The following SND1 variants were observed in gnomAD, a reference collection of about 807,000 sequenced individuals.
SND1 encodes staphylococcal nuclease and tudor domain containing 1, also known as staphylococcal nuclease domain-containing protein 1.
In SND1, 38 loss-of-function variants were observed where a neutral mutation model predicts 121.7. That is an observed-to-expected ratio of 0.31 (90% CI 0.24 to 0.41). The LOEUF is 0.41. SND1 is among the 10% of genes least tolerant of loss of function. The pLI, the probability that SND1 is intolerant of heterozygous loss-of-function variation, is 1.00. For missense variants in SND1, 868 were observed against 1,184.6 expected, an observed-to-expected ratio of 0.73 and a Z score of 3.92; for synonymous variants, 401 against 447.4, an observed-to-expected ratio of 0.90 and a Z score of 1.31.
At chr7:127,937,886 G>T (rs150535092) in intron 15 of SND1, among the ~76,000 whole-genome samples, 3 of 152,238 alleles carry the variant, frequency 2.0e-5, no homozygotes, top group Non-Finnish European at 4.4e-5. Context: ...ATCCCATTCT[G>T]CTATCACAGA....
chr7:127,798,971 T>TGGAACGCCAAGGCTACAGTGAGCCC (rs1563017469), intron 10 of SND1, among the ~76,000 whole-genome samples: 1 of 152,178 alleles, frequency 6.6e-6, no homozygotes, highest in African/African-American at 2.4e-5. Context: ...CATGTGAGCC[T>TGGAACGCCAAGGCTACAGTGAGCCC]GGAACGTCAA....
chr7:127,994,296 C>G (rs1157785179), intron 16 of SND1, among the ~76,000 whole-genome samples: 1 of 152,102 alleles, frequency 6.6e-6, no homozygotes, highest in Non-Finnish European at 1.5e-5. Flanking sequence ...TGCCCTCTTA[C>G]GTTGCATTTC....
intron 10 of SND1, among the ~76,000 whole-genome samples, chr7:127,779,394 T>C (rs1435241218): frequency 6.6e-6 from 1 of 152,218 alleles, no homozygotes; most frequent in Non-Finnish European, 1.5e-5. Flanking sequence ...TCCAGTTATA[T>C]GTATGGCTGC....
intron 17 of SND1, 53 bp downstream of exon 17, chr7:128,074,743 A>G: frequency 6.7e-7 from 1 of 1,492,474 alleles, no homozygotes; most frequent in Non-Finnish European, 9.1e-7. Flanking sequence ...CTCCTCACAC[A>G]CTAATGCTGC....
chr7:127,780,053 G>A (rs1797692256), intron 10 of SND1, among the ~76,000 whole-genome samples: 4 of 152,204 alleles, frequency 2.6e-5, no homozygotes, highest in South Asian at 2.1e-4. Context: ...GGTTTGATTC[G>A]TTTTTGTATC....
At chr7:127,788,627 CT>C (rs1797856194) in intron 10 of SND1, among the ~76,000 whole-genome samples, 1 of 152,188 alleles carries the variant, frequency 6.6e-6, no homozygotes, top group Non-Finnish European at 1.5e-5. Flanking sequence ...ACTGAAACTG[CT>C]CTTGCTGAAC....
At chr7:128,057,084 C>T (rs987888911) in intron 16 of SND1, among the ~76,000 whole-genome samples, 2 of 152,104 alleles carry the variant, frequency 1.3e-5, no homozygotes, top group African/African-American at 2.4e-5. Context: ...CTACTCAGAA[C>T]GGCACACAGT....
At chr7:127,756,720 C>T (rs1797203626) in intron 10 of SND1, among the ~76,000 whole-genome samples, 1 of 152,144 alleles carries the variant, frequency 6.6e-6, no homozygotes, top group Non-Finnish European at 1.5e-5. Flanking sequence ...TTACCTGTCC[C>T]CAAATAAATT....
chr7:127,788,012 C>A, intron 10 of SND1, among the ~76,000 whole-genome samples: 1 of 152,132 alleles, frequency 6.6e-6, no homozygotes, highest in East Asian at 1.9e-4. Flanking sequence ...GTAGGCGAAA[C>A]GGGTGCTGCT....
At chr7:128,013,298 G>A (rs544930555) in intron 16 of SND1, among the ~76,000 whole-genome samples, 5 of 152,250 alleles carry the variant, frequency 3.3e-5, no homozygotes, top group African/African-American at 7.2e-5. Context: ...CATTGTGTCC[G>A]CCCAAGTGCT....
chr7:127,879,562 C>G (rs1380180897), intron 12 of SND1, among the ~76,000 whole-genome samples: 1 of 152,154 alleles, frequency 6.6e-6, no homozygotes, highest in Admixed American at 6.6e-5. Context: ...CTGTAGCTTT[C>G]CTTCTAGATC....
chr7:127,669,060 C>T (rs1795469153), intron 1 of SND1, among the ~76,000 whole-genome samples: 2 of 151,996 alleles, frequency 1.3e-5, no homozygotes, highest in Non-Finnish European at 2.9e-5. Context: ...TGGCTTAATC[C>T]TGGCTCACTG....
At chr7:128,016,840 T>C (rs2116956927) in intron 16 of SND1, among the ~76,000 whole-genome samples, 1 of 152,350 alleles carries the variant, frequency 6.6e-6, no homozygotes, top group African/African-American at 2.4e-5. Flanking sequence ...TTGGATCCAT[T>C]ATTTTCTTGT....
At chr7:128,061,251 C>G (rs1562886228) in intron 16 of SND1, among the ~76,000 whole-genome samples, 1 of 152,226 alleles carries the variant, frequency 6.6e-6, no homozygotes, top group Admixed American at 6.5e-5. Flanking sequence ...AGAGTCACAT[C>G]AACACCCATG....
chr7:128,027,124 C>T (rs1451175740), intron 16 of SND1: 1 of 152,604 alleles, frequency 6.6e-6, no homozygotes, highest in East Asian at 1.9e-4. Context: ...TCTCACATTA[C>T]AATCAGTGTT....
intron 12 of SND1, among the ~76,000 whole-genome samples, chr7:127,845,064 C>A (rs1799034648): frequency 6.6e-6 from 1 of 152,222 alleles, no homozygotes; most frequent in Non-Finnish European, 1.5e-5. Context: ...TAATTGTCTC[C>A]TTTTCCATTT....
At chr7:127,738,265 A>G (rs1796814155) in intron 10 of SND1, among the ~76,000 whole-genome samples, 1 of 149,636 alleles carries the variant, frequency 6.7e-6, no homozygotes, top group Non-Finnish European at 1.5e-5. Context: ...CCTTCCTAAA[A>G]GGTGTTTCTT....
chr7:127,857,893 C>A, intron 12 of SND1: 2 of 1,375,038 alleles, frequency 1.5e-6, no homozygotes, highest in East Asian at 2.3e-5. Context: ...GTAGAACTGA[C>A]CACGAAGGGG....
chr7:127,795,975 A>G (rs1798014829), intron 10 of SND1, among the ~76,000 whole-genome samples: 1 of 152,022 alleles, frequency 6.6e-6, no homozygotes. Flanking sequence ...GTCCTGCCTC[A>G]GCCTCCCTAG....
Sources: allele counts gnomAD v4.1 joint callset (sites outside exome capture counted in the v4.1 genomes callset), GRCh38; gene constraint gnomAD v4.1.1; transcripts MANE v1.5; gene names NCBI Gene and HGNC (gene_info 2026-07-23, HGNC 2026-07-21).